Variants in AFAP1L1 observed in about 807,000 individuals in gnomAD.
AFAP1L1 encodes actin filament associated protein 1 like 1.
In AFAP1L1, 77 loss-of-function variants were observed where a neutral mutation model predicts 99.8. That is an observed-to-expected ratio of 0.77 (90% CI 0.64 to 0.93). The LOEUF (loss-of-function observed/expected upper bound fraction) is 0.93, where lower values mean the gene tolerates loss of function less well. Among genes scored for constraint, AFAP1L1 ranks in the 40% least tolerant of loss-of-function variants. The probability of loss-of-function intolerance (pLI) is 0.00; values close to 1 mark genes in which losing one functional copy is unlikely to be tolerated. For missense variants in AFAP1L1, 893 were observed against 996.8 expected (o/e 0.90, Z 1.40); for synonymous variants, 373 against 395.3 (o/e 0.94, Z 0.67).
intron 9 of AFAP1L1, among the ~76,000 whole-genome samples, chr5:149,314,672 C>T (rs1477051081): frequency 6.6e-6 from 1 of 152,200 alleles, no homozygotes; most frequent in African/African-American, 2.4e-5. Context: ...CCCTTTCTGA[C>T]AGCTGTCATG....
At chr5:149,329,859 C>T (rs1436906982) in intron 16 of AFAP1L1, 29 bp downstream of exon 16, 3 of 1,560,740 alleles carry the variant, frequency 1.9e-6, no homozygotes, top group Non-Finnish European at 2.6e-6. Context: ...TCCTGAGCAC[C>T]TATGGGTGGC....
intron 14 of AFAP1L1, among the ~76,000 whole-genome samples, chr5:149,321,722 C>CAAAAAA (rs57366142): frequency 1.1e-4 from 7 of 63,760 alleles, no homozygotes; most frequent in Non-Finnish European, 1.2e-4. Context: ...GACTCTGTCT[C>CAAAAAA]AAAAAAAAAA....
chr5:149,292,201 C>A (rs2127592084), intron 1 of AFAP1L1, among the ~76,000 whole-genome samples: 2 of 152,334 alleles, frequency 1.3e-5, no homozygotes, highest in East Asian at 3.9e-4. Flanking sequence ...GTTTATTATT[C>A]TTGTGACTTG....
intron 1 of AFAP1L1, among the ~76,000 whole-genome samples, chr5:149,282,785 T>A (rs1755561458): frequency 6.6e-6 from 1 of 152,142 alleles, no homozygotes; most frequent in Non-Finnish European, 1.5e-5. Flanking sequence ...AGCACTGTGG[T>A]GAGAAGGATT....
intron 1 of AFAP1L1, among the ~76,000 whole-genome samples, chr5:149,273,203 G>T (rs981508562): frequency 6.7e-6 from 1 of 149,402 alleles, no homozygotes; most frequent in African/African-American, 2.5e-5. Flanking sequence ...TGAGTGCTGT[G>T]CCAACAGGCG....
chr5:149,290,435 A>C (rs1755815544), intron 1 of AFAP1L1, among the ~76,000 whole-genome samples: 1 of 152,208 alleles, frequency 6.6e-6, no homozygotes, highest in Non-Finnish European at 1.5e-5. Flanking sequence ...GATGGTGTAC[A>C]TGAGGCACAG....
chr5:149,309,665 T>G (rs1176493767), intron 7 of AFAP1L1, among the ~76,000 whole-genome samples: 1 of 152,108 alleles, frequency 6.6e-6, no homozygotes, highest in East Asian at 1.9e-4. Flanking sequence ...CCAGCCCATT[T>G]CTTCTCTGGT....
In AFAP1L1 at chr5:149,329,651, C is replaced by G. The variant is rs1216528978; in HGVS notation, c.1811-15C>G. On this transcript the variant is annotated splice_polypyrimidine_tract_variant and intron_variant, in intron 15 of 18. Coordinates refer to ENST00000296721, the MANE Select transcript of AFAP1L1 (RefSeq NM_152406.4). ...GTCAGAACTGAGGGCCTTTCCCTTC[C>G]CCATATCTCTGCAGGTGCCAATCAA... The G allele has an allele frequency of 1.2e-6, 2 of 1,607,998 alleles. No individual in the cohort carries two copies. Among genetic ancestry groups the G allele is most frequent in the Non-Finnish European group, 1.7e-6 (2 of 1,177,586 alleles).
chr5:149,329,630 G>GAA, intron 15 of AFAP1L1, 36 bp from the exon 16 acceptor site: 1 of 1,587,686 alleles, frequency 6.3e-7, no homozygotes, highest in Non-Finnish European at 8.6e-7. Flanking sequence ...CCAGAGGTCA[G>GAA]AACTGAGGGC....
At chr5:149,315,671 A>C in intron 9 of AFAP1L1, 150 bp from the exon 10 acceptor site, 1 of 658,824 alleles carries the variant, frequency 1.5e-6, no homozygotes, top group African/African-American at 1.8e-5. Flanking sequence ...AATACCTGGT[A>C]TGGTATGAGG....
At chr5:149,327,386 T>C (rs1398385844) in intron 15 of AFAP1L1, among the ~76,000 whole-genome samples, 1 of 152,106 alleles carries the variant, frequency 6.6e-6, no homozygotes, top group East Asian at 1.9e-4. Context: ...TCTAGAGAAA[T>C]TGGCTTCATA....
At chr5:149,278,253 A>G (rs570856338) in intron 1 of AFAP1L1, among the ~76,000 whole-genome samples, 18 of 152,036 alleles carry the variant, frequency 1.2e-4, no homozygotes, top group African/African-American at 4.1e-4. Context: ...TTCCTGGCCA[A>G]ACTTCTCAAA....
intron 1 of AFAP1L1, among the ~76,000 whole-genome samples, chr5:149,277,475 C>T (rs139863977): frequency 2.4e-3 from 371 of 152,334 alleles, no homozygotes; most frequent in African/African-American, 8.7e-3. Context: ...TGACCTCCCC[C>T]TGCAGTGACC....
chr5:149,279,867 C>A (rs896679714), intron 1 of AFAP1L1, among the ~76,000 whole-genome samples: 4 of 152,186 alleles, frequency 2.6e-5, no homozygotes, highest in Admixed American at 2.0e-4. Flanking sequence ...GCAATGTTTC[C>A]CAATCTCCCA....
At chr5:149,312,285 C>G in intron 9 of AFAP1L1, 81 bp downstream of exon 9, 1 of 1,434,704 alleles carries the variant, frequency 7.0e-7, no homozygotes, top group Non-Finnish European at 9.8e-7. Context: ...AACTAACTGG[C>G]TGGGGGGAAA....
chr5:149,307,380 T>TC, intron 6 of AFAP1L1, 22 bp from the exon 7 acceptor site: 1 of 1,613,396 alleles, frequency 6.2e-7, no homozygotes, highest in East Asian at 2.2e-5. Flanking sequence ...CAGTGATGGA[T>TC]CCTTTCCCGT....
chr5:149,306,441 C>A, intron 6 of AFAP1L1, 37 bp downstream of exon 6: 1 of 1,553,108 alleles, frequency 6.4e-7, no homozygotes, highest in Admixed American at 1.8e-5. Flanking sequence ...CTGGGCAGGG[C>A]TTCTGCCCTT....
intron 8 of AFAP1L1, among the ~76,000 whole-genome samples, chr5:149,311,748 A>T (rs186394021): frequency 6.6e-6 from 1 of 152,326 alleles, no homozygotes; most frequent in Non-Finnish European, 1.5e-5. Flanking sequence ...CACTCTTCGC[A>T]TCCATGGTCA....
At chr5:149,308,749 A>T (rs1756515259) in intron 7 of AFAP1L1, among the ~76,000 whole-genome samples, 1 of 152,094 alleles carries the variant, frequency 6.6e-6, no homozygotes, top group Non-Finnish European at 1.5e-5. Flanking sequence ...GCACAATGCA[A>T]ACAGAAGTGG....
Sources: allele counts gnomAD v4.1 joint callset (sites outside exome capture counted in the v4.1 genomes callset), GRCh38; gene constraint gnomAD v4.1.1; transcripts MANE v1.5; gene names NCBI Gene and HGNC (gene_info 2026-07-23, HGNC 2026-07-21).